Variants in CKAP2 observed in about 807,000 individuals in gnomAD.
The protein encoded by CKAP2 is cytoskeleton-associated protein 2.
A neutral mutation model predicts 58.4 loss-of-function variants in CKAP2; 46 were observed. The ratio of observed to expected loss-of-function variants is 0.79; its 90% confidence interval spans 0.62 to 1.01. The LOEUF is 1.01. Ranked by LOEUF, CKAP2 falls within the 50% of genes least tolerant of loss-of-function variation. The pLI, the probability that CKAP2 is intolerant of heterozygous loss-of-function variation, is 0.00. For synonymous variants in CKAP2, 293 were observed against 280.9 expected, an observed-to-expected ratio of 1.04 and a Z score of -0.43; for missense variants, 809 against 796.4, an observed-to-expected ratio of 1.02 and a Z score of -0.19.
At chr13:52,471,716 CA>C (rs1172573220) in intron 7 of CKAP2, among the ~76,000 whole-genome samples, 3 of 152,226 alleles carry the variant, frequency 2.0e-5, no homozygotes, top group African/African-American at 4.8e-5. Context: ...TCCCAGTTCC[CA>C]ACCTTTTTTC....
intron 6 of CKAP2, among the ~76,000 whole-genome samples, chr13:52,467,824 T>C (rs1958703091): frequency 6.6e-6 from 1 of 151,794 alleles, no homozygotes; most frequent in Admixed American, 6.6e-5. Context: ...TGTTTTTTTT[T>C]TTTGAGATGG....
chr13:52,456,019 G>A (rs1431390113), intron 1 of CKAP2: 42 of 1,054,072 alleles, frequency 4.0e-5, no homozygotes, highest in Non-Finnish European at 4.8e-5. Context: ...GCGAATTTCT[G>A]CAGGGCTGGG....
Position 52,469,593 on chromosome 13 carries a change from A to ATT in CKAP2, c.1546+1248_1546+1249dup, listed in dbSNP as rs1491429967. On this transcript the variant is annotated intron_variant, in intron 7 of 8. Coordinates refer to ENST00000258607, the MANE Select transcript of CKAP2 (RefSeq NM_018204.5). The stretch of plus-strand genomic sequence containing the variant: ...TGAAATAATATTTATTTATTTATTT[A>ATT]TTTATTTTTTTTTTGAGACGGAGTC... 7.3e-4 allele frequency among the ~76,000 whole-genome samples: 103 copies of ATT among 140,420 alleles called. 2 individuals are homozygous for ATT. The highest frequency in any genetic ancestry group is 1.4e-3 in the Non-Finnish European group (89 of 65,400). 92.1% of individuals were successfully genotyped at this position (140,420 alleles called of 152,430 possible).
At chr13:52,474,229 T>A in intron 8 of CKAP2, 145 bp downstream of exon 8, 1 of 792,116 alleles carries the variant, frequency 1.3e-6, no homozygotes. Flanking sequence ...CTCACGCCTG[T>A]AATTTCAGCA....
At chr13:52,471,046 T>C (rs1958754890) in intron 7 of CKAP2, among the ~76,000 whole-genome samples, 1 of 152,078 alleles carries the variant, frequency 6.6e-6, no homozygotes, top group Admixed American at 6.5e-5. Context: ...TAATCCCAGC[T>C]ACTCGGGGGG....
chr13:52,470,647 G>A (rs1283301594), intron 7 of CKAP2, among the ~76,000 whole-genome samples: 1 of 152,120 alleles, frequency 6.6e-6, no homozygotes, highest in African/African-American at 2.4e-5. Flanking sequence ...GCTAATGGCT[G>A]TGTTGGAGGT....
In CKAP2 at chr13:52,466,768, T is replaced by A. The variant is rs1958683337; in HGVS notation, c.1476+1303T>A. Reference sequence around the variant, plus strand: ...TGGGAGGATTGCCTGAGCCCAGGAGTTTGAGTCCAGCCTGGGCAACATAGA... The same window carrying A: ...TGGGAGGATTGCCTGAGCCCAGGAGATTGAGTCCAGCCTGGGCAACATAGA... On this transcript the variant is annotated intron_variant, in intron 6 of 8. Transcript: ENST00000258607. 3.3e-5 allele frequency among the ~76,000 whole-genome samples: 5 copies of A among 151,678 alleles called. No individual in the cohort carries two copies. The South Asian group carries it at 1.0e-3, about 32-fold the overall frequency.
intron 7 of CKAP2, 174 bp from the exon 8 acceptor site, chr13:52,473,655 T>C (rs1958788750): frequency 3.8e-6 from 2 of 532,184 alleles, no homozygotes; most frequent in East Asian, 5.8e-5. Context: ...CATTTTATAA[T>C]AGTATTTGTT....
rs1321755057 is a variant in CKAP2 at position 52,475,079 on chromosome 13, G to A, written c.1987G>A (p.Ala663Thr). The A allele has an allele frequency of 6.2e-7, 1 of 1,614,192 alleles. No individual in the cohort carries two copies. The highest frequency in any genetic ancestry group is 1.1e-5 in the South Asian group (1 of 91,084). Residue 663 changes from alanine to threonine, a missense_variant, in exon 9 of 9, where the codon GCT becomes ACT. Ala to Thr is a moderately conservative substitution (Grantham distance 58). Transcript: ENST00000258607. The stretch of plus-strand genomic sequence containing the variant: ...AACGGAGTTGGGAAGAGAAACTGAT[G>A]CTTTTGTATGCCGCCCTAATGCAGC... ...QLTELGRETD[A>T]FVCRPNAALC...
intron 1 of CKAP2, 125 bp downstream of exon 1, chr13:52,455,751 CG>C (rs2137827142): frequency 8.8e-7 from 1 of 1,141,200 alleles, no homozygotes; most frequent in Admixed American, 4.1e-5. Flanking sequence ...GATCCCTGAA[CG>C]CGGCGTCGGC....
chr13:52,455,765 C>G, intron 1 of CKAP2, 139 bp downstream of exon 1: 2 of 1,035,584 alleles, frequency 1.9e-6, no homozygotes, highest in Non-Finnish European at 2.6e-6. Flanking sequence ...GCGTCGGCCT[C>G]GCCCTGCCTC....
At chr13:52,473,254 A>T (rs1209765783) in intron 7 of CKAP2, among the ~76,000 whole-genome samples, 1 of 151,992 alleles carries the variant, frequency 6.6e-6, no homozygotes, top group Non-Finnish European at 1.5e-5. Context: ...TTTTTTTACC[A>T]AACTTCTTTC....
At chr13:52,464,841 C>A (rs1259212572) in intron 5 of CKAP2, among the ~76,000 whole-genome samples, 1 of 152,066 alleles carries the variant, frequency 6.6e-6, no homozygotes, top group Non-Finnish European at 1.5e-5. Context: ...GTTCTGAACA[C>A]CAGTAAAAGT....
At chr13:52,462,129 A>G (rs1381304770) in intron 4 of CKAP2, among the ~76,000 whole-genome samples, 3 of 152,232 alleles carry the variant, frequency 2.0e-5, no homozygotes, top group Non-Finnish European at 4.4e-5. Flanking sequence ...TTTAAAATCT[A>G]AGGTAAATGC....
Position 52,461,793 on chromosome 13 carries a change from G to GC in CKAP2, c.969dup (p.Arg324GlnfsTer7). The stretch of plus-strand genomic sequence containing the variant: ...AAGATCCATAGCATCTGAAGTTATA[G>GC]CCAGGCCTGCTTCATTGTCTAATGA... On this transcript the variant is annotated frameshift_variant, in exon 4 of 9. Coordinates refer to ENST00000258607, the MANE Select transcript of CKAP2 (RefSeq NM_018204.5). LOFTEE classifies it high-confidence loss of function. 6.2e-7 allele frequency: 1 copy of GC among 1,614,076 alleles called. No homozygotes were observed. Among genetic ancestry groups the GC allele is most frequent in the East Asian group, 2.2e-5 (1 of 44,884 alleles).
intron 7 of CKAP2, among the ~76,000 whole-genome samples, chr13:52,473,242 AT>A (rs540335070): frequency 4.0e-5 from 6 of 151,696 alleles, no homozygotes; most frequent in Non-Finnish European, 5.9e-5. Context: ...TCTCTGGTGA[AT>A]TTTTTTTACC....
chr13:52,475,326 T>C lies in CKAP2; in HGVS notation c.*185T>C. 1.4e-6 allele frequency: 1 copy of C among 690,282 alleles called. No homozygotes were observed. Among genetic ancestry groups the C allele is most frequent in the South Asian group, 2.8e-5 (1 of 35,924 alleles). The allele number at this position is 690,282 out of a possible 1,614,324, so 42.8% of individuals were successfully genotyped here. ...AGAGTTGTCCTCTACATTGGAAAGCTAATCCTACCTTGTCAGTTTCAACCA... is the reference window on the plus strand; with the variant it reads ...AGAGTTGTCCTCTACATTGGAAAGCCAATCCTACCTTGTCAGTTTCAACCA... On this transcript the variant is annotated 3_prime_UTR_variant, in exon 9 of 9. Transcript: ENST00000258607.
At chr13:52,463,931 A>G (rs1958624232) in intron 5 of CKAP2, among the ~76,000 whole-genome samples, 1 of 152,150 alleles carries the variant, frequency 6.6e-6, no homozygotes. Context: ...AGTGTTAATG[A>G]TGGTCATCTG....
rs373418118 is a variant in CKAP2 at position 52,462,397 on chromosome 13, A to G, written c.1135A>G (p.Arg379Gly). Residue 379 changes from arginine to glycine, a missense_variant, in exon 5 of 9, where the codon AGA (arginine) becomes GGA (glycine). Transcript: ENST00000258607. ...GAGTGAGTGGAAAGCTGGCAAAGGA[A>G]GAGTGCTAAAAAGGCCCCCTAATTC... ...RLSEWKAGKG[R>G]VLKRPPNSVV... is the part of the protein sequence containing the mutation. The G allele has an allele frequency of 4.8e-5, 77 of 1,614,028 alleles. No individual in the cohort carries two copies. Among genetic ancestry groups the G allele is most frequent in the Non-Finnish European group, 6.4e-5 (75 of 1,180,016 alleles).
Sources: allele counts gnomAD v4.1 joint callset (sites outside exome capture counted in the v4.1 genomes callset), GRCh38; gene constraint gnomAD v4.1.1; transcripts MANE v1.5; gene names NCBI Gene and HGNC (gene_info 2026-07-23, HGNC 2026-07-21).